Variants in CDH19 observed in about 807,000 individuals in gnomAD.
CDH19 encodes cadherin 19.
A neutral mutation model predicts 64.2 loss-of-function variants in CDH19; 67 were observed. That is an observed-to-expected ratio of 1.04 (90% CI 0.86 to 1.28). The LOEUF is 1.28. Among genes scored for constraint, CDH19 ranks in the 50% most tolerant of loss-of-function variants. CDH19 has a pLI of 0.00. For missense variants in CDH19, 1,030 were observed against 929.0 expected, an observed-to-expected ratio of 1.11 and a Z score of -1.41; for synonymous variants, 346 against 319.3, an observed-to-expected ratio of 1.08 and a Z score of -0.89.
chr18:66,548,388 T>G (rs1158747564), intron 5 of CDH19, among the ~76,000 whole-genome samples: 3 of 151,014 alleles, frequency 2.0e-5, no homozygotes, highest in Non-Finnish European at 2.9e-5. Flanking sequence ...GGTGGTTATG[T>G]AAAGCCACGT....
At chr18:66,547,661 GT>G (rs71169155) in intron 5 of CDH19, among the ~76,000 whole-genome samples, 10,405 of 80,060 alleles carry the variant, frequency 0.13, 139 homozygotes, top group South Asian at 0.2. Flanking sequence ...TGTGTGTTAG[GT>G]TTTTTTTTTT....
At chr18:66,540,367 A>G (rs1253324544) in intron 7 of CDH19, among the ~76,000 whole-genome samples, 2 of 152,202 alleles carry the variant, frequency 1.3e-5, no homozygotes, top group African/African-American at 2.4e-5. Flanking sequence ...TCCAAAAAGT[A>G]AATCATACCC....
chr18:66,541,169 C>T (rs538255982), intron 7 of CDH19, among the ~76,000 whole-genome samples: 7 of 152,106 alleles, frequency 4.6e-5, no homozygotes, highest in South Asian at 2.1e-4. Context: ...CCACCCAAGA[C>T]GTGATGAAAC....
intron 9 of CDH19, 123 bp downstream of exon 9, chr18:66,529,717 TTATAA>T (rs1211401337): frequency 2.9e-5 from 7 of 240,712 alleles, no homozygotes; most frequent in East Asian, 1.2e-4. Flanking sequence ...ATTATATAAA[TTATAA>T]TATATGAATA....
At chr18:66,562,267 C>T (rs1987751085) in intron 3 of CDH19, among the ~76,000 whole-genome samples, 1 of 151,166 alleles carries the variant, frequency 6.6e-6, no homozygotes, top group South Asian at 2.1e-4. Context: ...CAGTGGGAGC[C>T]CTGAGCTTGG....
chr18:66,572,052 A>C lies in CDH19; in HGVS notation c.153T>G (p.Phe51Leu). ...VKRGWVWNQF[F>L]VPEEMNTTSH... ...TAGTCGTATTCATTTCCTCTGGTAC[A>C]AAAAATTGGTTCCACACCCAGCCAC... The change falls in exon 2 of 12, where the codon TTT (phenylalanine) becomes TTG (leucine). Residue 51 changes from phenylalanine to leucine, a missense_variant. Coordinates refer to ENST00000262150, the MANE Select transcript of CDH19 (RefSeq NM_021153.4). The C allele has an allele frequency of 6.2e-7, 1 of 1,611,068 alleles. No individual in the cohort carries two copies. Among genetic ancestry groups the C allele is most frequent in the Non-Finnish European group, 8.5e-7 (1 of 1,178,074 alleles).
chr18:66,523,815 A>C (rs559403936), intron 9 of CDH19, among the ~76,000 whole-genome samples: 19 of 150,484 alleles, frequency 1.3e-4, no homozygotes, highest in African/African-American at 4.4e-4. Flanking sequence ...GGATCTAGGA[A>C]GAGAAGTCTT....
At chr18:66,583,896 A>T (rs1988496928) in intron 1 of CDH19, among the ~76,000 whole-genome samples, 1 of 152,078 alleles carries the variant, frequency 6.6e-6, no homozygotes, top group Non-Finnish European at 1.5e-5. Context: ...AACTATAAAA[A>T]CCCTGGAAGA....
In CDH19 at chr18:66,504,094, T is replaced by C. The variant is rs1437422124; in HGVS notation, c.*718A>G. On this transcript the variant is annotated 3_prime_UTR_variant, in exon 12 of 12. Transcript: ENST00000262150. The stretch of plus-strand genomic sequence containing the variant: ...TTAACCATTTAAAAAGGTTGAGCGT[T>C]TGCATTAGATGACATTGAAAAATAG... 3 of 151,930 alleles carry C rather than the reference T, an allele frequency of 2.0e-5. No homozygotes were observed. Among genetic ancestry groups the C allele is most frequent in the African/African-American group, 7.2e-5 (3 of 41,432 alleles). The allele number at this position is 151,930 out of a possible 1,614,324, so 9.4% of individuals were successfully genotyped here. A position where few individuals can be genotyped will look rare whatever the true frequency, so the allele number is the denominator to read the frequency against.
At chr18:66,513,300 T>C (rs1985581364) in intron 9 of CDH19, among the ~76,000 whole-genome samples, 1 of 151,472 alleles carries the variant, frequency 6.6e-6, no homozygotes, top group African/African-American at 2.4e-5. Flanking sequence ...TAAATCAAAA[T>C]ACCTTATGCA....
At chr18:66,557,742 T>C (rs1422659324) in intron 3 of CDH19, among the ~76,000 whole-genome samples, 1 of 151,870 alleles carries the variant, frequency 6.6e-6, no homozygotes, top group African/African-American at 2.4e-5. Flanking sequence ...AAGATGTTTA[T>C]GTGTATATAT....
At chr18:66,509,407 C>G (rs1292231811) in intron 10 of CDH19, among the ~76,000 whole-genome samples, 161 bp from the exon 11 acceptor site, 2 of 151,764 alleles carry the variant, frequency 1.3e-5, no homozygotes, top group Non-Finnish European at 2.9e-5. Context: ...AACATCCACA[C>G]TAAATTATTA....
rs1394007758 is a variant in CDH19 at position 66,504,576 on chromosome 18, C to G, written c.*236G>C. The G allele has an allele frequency of 2.5e-6, 1 of 392,318 alleles. No homozygotes were observed. The highest frequency in any genetic ancestry group is 2.0e-5 in the African/African-American group (1 of 49,564). 24.3% of individuals were successfully genotyped at this position (392,318 alleles called of 1,614,324 possible). ...AATATCTTCCTAAATTATTTTACTT[C>G]AAATCTGGTTGTATTGATGCCTGTG... On this transcript the variant is annotated 3_prime_UTR_variant, in exon 12 of 12. Transcript: ENST00000262150.
chr18:66,532,655 A>T (rs1986500547), intron 8 of CDH19: 1 of 439,558 alleles, frequency 2.3e-6, no homozygotes, highest in Admixed American at 2.5e-5. Flanking sequence ...GTATTTATCA[A>T]GTAATGGTGA....
chr18:66,528,559 A>G (rs1318883221), intron 9 of CDH19, among the ~76,000 whole-genome samples: 1 of 152,134 alleles, frequency 6.6e-6, no homozygotes, highest in Non-Finnish European at 1.5e-5. Flanking sequence ...GTTTTCAAAA[A>G]CATTTTGGAA....
intron 2 of CDH19, 47 bp from the exon 3 acceptor site, chr18:66,568,757 G>A (rs375157119): frequency 2.4e-4 from 342 of 1,427,720 alleles, no homozygotes; most frequent in Non-Finnish European, 3.0e-4. Context: ...ATCTGAAATG[G>A]ACAAATCAAA....
intron 3 of CDH19, among the ~76,000 whole-genome samples, chr18:66,555,061 T>C (rs1269916106): frequency 4.0e-5 from 6 of 151,858 alleles, no homozygotes; most frequent in Non-Finnish European, 7.4e-5. Flanking sequence ...CTTCCTTTGA[T>C]GAATTTTTTA....
chr18:66,553,444 A>G lies in CDH19; in HGVS notation c.610+961T>C, dbSNP rs1340901926. The stretch of plus-strand genomic sequence containing the variant: ...TTAAGAACATAGGTACTCAAATAAT[A>G]TTTTTTAGAATCTGACTCTCTCAAG... On this transcript the variant is annotated intron_variant, in intron 4 of 11. Transcript: ENST00000262150. Among the ~76,000 whole-genome samples the G allele has an allele frequency of 2.2e-5, 3 of 134,128 alleles. 1 individual carries two copies. The highest frequency in any genetic ancestry group is 1.0e-4 in the African/African-American group (3 of 29,134). The allele number at this position is 134,128 out of a possible 152,430, so 88.0% of individuals were successfully genotyped here. A position where few individuals can be genotyped will look rare whatever the true frequency, so the allele number is the denominator to read the frequency against.
intron 11 of CDH19, among the ~76,000 whole-genome samples, chr18:66,506,653 T>G (rs533199957): frequency 1.3e-5 from 2 of 151,876 alleles, no homozygotes; most frequent in African/African-American, 4.8e-5. Context: ...TGCTTTAATT[T>G]TAAATAAAAA....
Sources: gnomAD v4.1 joint callset for allele counts (sites outside exome capture counted in the v4.1 genomes callset) on GRCh38, gnomAD v4.1.1 for gene constraint, MANE v1.5 for transcripts, NCBI Gene and HGNC (gene_info 2026-07-23, HGNC 2026-07-21) for gene names.